CCSER1: variants seen among roughly 807,000 people sequenced by gnomAD.
The protein encoded by CCSER1 is coiled-coil serine rich protein 1.
CCSER1 carries 41 observed loss-of-function variants against 82.0 expected under a neutral mutation model. The observed-to-expected ratio is 0.50, with a 90% CI of 0.39 to 0.65. The LOEUF (loss-of-function observed/expected upper bound fraction) is 0.65. CCSER1 is among the 30% of genes least tolerant of loss of function. CCSER1 has a pLI of 0.00. For synonymous variants in CCSER1, 414 were observed against 383.9 expected (o/e 1.08, Z -0.92); for missense variants, 1,119 against 1,064.2 (o/e 1.05, Z -0.72).
At chr4:90,619,817 C>G (rs906982609) in intron 5 of CCSER1, among the ~76,000 whole-genome samples, 10 of 152,014 alleles carry the variant, frequency 6.6e-5, no homozygotes, top group Admixed American at 5.9e-4. Flanking sequence ...CCTGATTGTA[C>G]TTTCATCTCT....
chr4:91,001,548 G>C (rs574341178), intron 9 of CCSER1, among the ~76,000 whole-genome samples: 1 of 151,972 alleles, frequency 6.6e-6, no homozygotes, highest in Non-Finnish European at 1.5e-5. Flanking sequence ...CCTCATATTT[G>C]TTTTGTCTGA....
In CCSER1 at chr4:90,923,415, A is replaced by C; in HGVS notation, c.2140A>C (p.Lys714Gln). 3.2e-6 allele frequency: 5 copies of C among 1,551,416 alleles called. No individual in the cohort carries two copies. Among genetic ancestry groups the C allele is most frequent in the Non-Finnish European group, 4.4e-6 (5 of 1,146,770 alleles). Residue 714 changes from lysine (K) to glutamine (Q), a missense_variant, in exon 9 of 11, where the codon AAA becomes CAA. Transcript: ENST00000509176. ...LQKAFASRVD[K>Q]STQTELLCYD... ...GAAGGCTTTTGCTTCAAGAGTAGAT[A>C]AATCCACACAGACTGAACTACTATG... is the stretch of plus-strand genomic sequence containing the variant.
intron 4 of CCSER1, among the ~76,000 whole-genome samples, chr4:90,435,728 C>T (rs924860148): frequency 2.6e-5 from 4 of 151,986 alleles, no homozygotes; most frequent in Non-Finnish European, 4.4e-5. Flanking sequence ...TGTTCTTCAC[C>T]TAAGCTGTGT....
intron 4 of CCSER1, among the ~76,000 whole-genome samples, chr4:90,439,176 A>G (rs1167913104): frequency 6.6e-6 from 1 of 151,990 alleles, no homozygotes; most frequent in Non-Finnish European, 1.5e-5. Context: ...GGTCCCAGCT[A>G]CTCGGGAGTG....
chr4:90,976,184 G>A (rs1157054857), intron 9 of CCSER1, among the ~76,000 whole-genome samples: 1 of 151,164 alleles, frequency 6.6e-6, no homozygotes, highest in African/African-American at 2.4e-5. Flanking sequence ...GCAGAATTAA[G>A]ATTTTTAATT....
In CCSER1 at chr4:91,106,248, C is replaced by T. The variant is rs551375738; in HGVS notation, c.2217+20254C>T. Among the ~76,000 whole-genome samples, 51 of 152,220 alleles carry T rather than the reference C, an allele frequency of 3.4e-4. 2 individuals are homozygous for T. In the South Asian group the frequency reaches 0.01, roughly 30 times the overall value. On this transcript the variant is annotated intron_variant, in intron 10 of 10. Coordinates refer to ENST00000509176, the MANE Select transcript of CCSER1 (RefSeq NM_001145065.2). Reference sequence around the variant, plus strand: ...TTCTCCAGTAAACTTTAGAAATAGTCACGATTATTCTCATTTTAATACAGA... The same window carrying T: ...TTCTCCAGTAAACTTTAGAAATAGTTACGATTATTCTCATTTTAATACAGA...
At position 91,151,097 on chromosome 4, in the gene CCSER1, C is replaced by T. The variant is rs561555263; in HGVS notation, c.2217+65103C>T. On this transcript the variant is annotated intron_variant, in intron 10 of 10. Transcript: ENST00000509176. ...GAATTTTGCTGTGAATCTATCTGGT[C>T]CTGGACTTTTTTTGGTTGGTAGGCT... Among the ~76,000 whole-genome samples the T allele has an allele frequency of 1.1e-4, 17 of 152,182 alleles. No homozygotes were observed. In the South Asian group the frequency reaches 3.3e-3, roughly 30 times the overall value.
intron 1 of CCSER1, among the ~76,000 whole-genome samples, chr4:90,158,223 C>G (rs560108278): frequency 7.2e-5 from 11 of 152,282 alleles, no homozygotes; most frequent in African/African-American, 2.4e-4. Flanking sequence ...GCTGTCTGAT[C>G]GTTCCTCTGG....
At chr4:91,591,942 G>C (rs1384662485) in intron 10 of CCSER1, among the ~76,000 whole-genome samples, 1 of 152,012 alleles carries the variant, frequency 6.6e-6, no homozygotes. Context: ...TGGTGGTTTT[G>C]AAAGATCTGT....
At chr4:90,583,656 G>T (rs977264285) in intron 5 of CCSER1, among the ~76,000 whole-genome samples, 11 of 152,084 alleles carry the variant, frequency 7.2e-5, no homozygotes, top group South Asian at 2.1e-4. Flanking sequence ...GTATTGATTT[G>T]CAGCCAAGCT....
intron 10 of CCSER1, among the ~76,000 whole-genome samples, chr4:91,506,272 G>C (rs949122493): frequency 4.6e-5 from 7 of 152,062 alleles, no homozygotes; most frequent in African/African-American, 9.7e-5. Flanking sequence ...TGAGATCTCT[G>C]TTCTGTTCCA....
chr4:91,131,448 C>T lies in CCSER1; in HGVS notation c.2217+45454C>T, dbSNP rs1727987911. The stretch of plus-strand genomic sequence containing the variant: ...TAGTTTCCTCATTGCTTCAATCAGG[C>T]TAAACATTTGTAGCAAGACTGCTAC... On this transcript the variant is annotated intron_variant, in intron 10 of 10. Transcript: ENST00000509176. 2.0e-5 allele frequency among the ~76,000 whole-genome samples: 3 copies of T among 151,380 alleles called. No individual in the cohort carries two copies. The South Asian group carries it at 6.2e-4, about 31-fold the overall frequency.
At position 90,309,661 on chromosome 4, in the gene CCSER1, T is replaced by C. The variant is rs1006742506; in HGVS notation, c.1324+53T>C. On this transcript the variant is annotated intron_variant, in intron 2 of 10. Coordinates refer to ENST00000509176, the MANE Select transcript of CCSER1 (RefSeq NM_001145065.2). ...TGATATGAATTAATTTTCATTATAC[T>C]TTATTCAGTTTTCTTATTCCATCTC... 3.7e-6 allele frequency: 5 copies of C among 1,338,928 alleles called. No homozygotes were observed. The African/African-American group carries it at 7.4e-5, about 20-fold the overall frequency. 82.9% of individuals were successfully genotyped at this position (1,338,928 alleles called of 1,614,324 possible).
chr4:91,329,754 G>C (rs1365021300), intron 10 of CCSER1, among the ~76,000 whole-genome samples: 1 of 152,084 alleles, frequency 6.6e-6, no homozygotes, highest in African/African-American at 2.4e-5. Flanking sequence ...TACCTGCCAT[G>C]AACCTCAACT....
intron 6 of CCSER1, among the ~76,000 whole-genome samples, chr4:90,700,214 AC>A (rs992964282): frequency 4.0e-5 from 6 of 151,378 alleles, no homozygotes; most frequent in African/African-American, 1.2e-4. Context: ...CTCAATTCCC[AC>A]CTATGAGTGA....
chr4:90,238,648 C>G (rs948232729), intron 1 of CCSER1, among the ~76,000 whole-genome samples: 1 of 152,092 alleles, frequency 6.6e-6, no homozygotes, highest in African/African-American at 2.4e-5. Flanking sequence ...TTCCTTCTCA[C>G]ACCCCCTCAA....
At chr4:91,514,692 G>A (rs1760006637) in intron 10 of CCSER1, among the ~76,000 whole-genome samples, 1 of 152,016 alleles carries the variant, frequency 6.6e-6, no homozygotes, top group African/African-American at 2.4e-5. Flanking sequence ...CAATGTGCAG[G>A]GTGAGTCAGC....
intron 4 of CCSER1, among the ~76,000 whole-genome samples, chr4:90,437,195 T>G (rs985246151): frequency 1.6e-4 from 24 of 152,174 alleles, no homozygotes; most frequent in African/African-American, 5.8e-4. Flanking sequence ...ATTTTTATTT[T>G]ATGTTAGATT....
chr4:90,936,469 A>G (rs1175086632), intron 9 of CCSER1, among the ~76,000 whole-genome samples: 1 of 152,134 alleles, frequency 6.6e-6, no homozygotes, highest in Non-Finnish European at 1.5e-5. Context: ...ACACAGATGG[A>G]TTAAGTTTTT....
Sources: gnomAD v4.1 joint callset for allele counts (sites outside exome capture counted in the v4.1 genomes callset) on GRCh38, gnomAD v4.1.1 for gene constraint, MANE v1.5 for transcripts, NCBI Gene and HGNC (gene_info 2026-07-23, HGNC 2026-07-21) for gene names.